The following ASIC2 variants were observed in gnomAD, a reference collection of about 807,000 sequenced individuals.
ASIC2 encodes the protein acid-sensing ion channel 2.
ASIC2 carries 25 observed loss-of-function variants against 57.3 expected under a neutral mutation model. The ratio of observed to expected loss-of-function variants is 0.44; its 90% CI spans 0.32 to 0.61. The LOEUF is 0.61. Ranked by LOEUF, ASIC2 falls within the 20% of genes least tolerant of loss-of-function variation. The probability of loss-of-function intolerance (pLI) is 0.06; values close to 1 mark genes in which losing one functional copy is unlikely to be tolerated. For missense variants in ASIC2, 641 were observed against 738.1 expected (o/e 0.87, Z 1.52); for synonymous variants, 319 against 307.5 (o/e 1.04, Z -0.39).
chr17:34,013,053 C>T (rs745866210), intron 1 of ASIC2, among the ~76,000 whole-genome samples: 1 of 152,164 alleles, frequency 6.6e-6, no homozygotes, highest in Non-Finnish European at 1.5e-5. Flanking sequence ...TGTGCCCTGG[C>T]TCAACCCCCC....
At chr17:33,057,675 T>C (rs2092003471) in intron 3 of ASIC2, among the ~76,000 whole-genome samples, 1 of 152,360 alleles carries the variant, frequency 6.6e-6, no homozygotes, top group Non-Finnish European at 1.5e-5. Flanking sequence ...CCAGTGATTC[T>C]GGGTTGAACC....
At chr17:33,256,302 C>T (rs974664440) in intron 1 of ASIC2, among the ~76,000 whole-genome samples, 8 of 151,838 alleles carry the variant, frequency 5.3e-5, no homozygotes, top group African/African-American at 1.7e-4. Context: ...GTTTGAGATA[C>T]ATTAAGTAAA....
chr17:33,108,505 G>A (rs781318809), intron 2 of ASIC2, among the ~76,000 whole-genome samples: 2 of 152,192 alleles, frequency 1.3e-5, no homozygotes, highest in African/African-American at 2.4e-5. Flanking sequence ...TGACCAAGCA[G>A]CCACGTGTGT....
intron 1 of ASIC2, among the ~76,000 whole-genome samples, chr17:33,751,540 T>A (rs1354517903): frequency 6.6e-6 from 1 of 151,830 alleles, no homozygotes; most frequent in African/African-American, 2.4e-5. Flanking sequence ...GTTTTTTTTT[T>A]ATTGCGACTA....
Position 33,516,441 on chromosome 17 carries a change from G to T in ASIC2, c.556-404374C>A, listed in dbSNP as rs75662926. Among the ~76,000 whole-genome samples the T allele has an allele frequency of 5.1e-4, 74 of 143,798 alleles. 1 individual carries two copies. The East Asian group carries it at 0.014, about 27-fold the overall frequency. The allele number at this position is 143,798 out of a possible 152,430, so 94.3% of individuals were successfully genotyped here. On this transcript the variant is annotated intron_variant, in intron 1 of 9. Coordinates refer to the ASIC2 transcript ENST00000359872. ...GTGTGTGTGTGTGTATGGAGGAGGG[G>T]TGGTGATGCTGTTGTTGCTCCTTCA...
intron 1 of ASIC2, among the ~76,000 whole-genome samples, chr17:34,101,057 G>C (rs906557528): frequency 2.0e-5 from 3 of 152,158 alleles, no homozygotes; most frequent in African/African-American, 7.2e-5. Context: ...TCTGACAAAA[G>C]TCCTTATAAA....
At chr17:33,683,375 T>C (rs1264876426) in intron 1 of ASIC2, among the ~76,000 whole-genome samples, 1 of 152,186 alleles carries the variant, frequency 6.6e-6, no homozygotes, top group East Asian at 1.9e-4. Context: ...CTAATTTTAG[T>C]TTTTAATTCT....
intron 1 of ASIC2, among the ~76,000 whole-genome samples, chr17:33,463,402 C>T (rs1912706982): frequency 6.6e-6 from 1 of 152,184 alleles, no homozygotes. Context: ...TGTCACATGA[C>T]CAAGATCACA....
At chr17:33,210,483 C>G (rs917544362) in intron 1 of ASIC2, among the ~76,000 whole-genome samples, 6 of 152,218 alleles carry the variant, frequency 3.9e-5, no homozygotes, top group African/African-American at 1.2e-4. Flanking sequence ...CCTCCACCCC[C>G]CAACCCAGGC....
chr17:33,447,196 T>A (rs147657526), intron 1 of ASIC2, among the ~76,000 whole-genome samples: 7 of 152,292 alleles, frequency 4.6e-5, no homozygotes, highest in African/African-American at 1.7e-4. Flanking sequence ...CATGTAGTTG[T>A]CTGCAATTGA....
intron 1 of ASIC2, among the ~76,000 whole-genome samples, chr17:33,164,627 C>T (rs1184815643): frequency 1.3e-5 from 2 of 152,070 alleles, no homozygotes; most frequent in African/African-American, 4.8e-5. Flanking sequence ...GTTATGCACG[C>T]ATGCAAACAC....
chr17:33,615,334 G>T (rs890616041), intron 1 of ASIC2, among the ~76,000 whole-genome samples: 3 of 152,098 alleles, frequency 2.0e-5, no homozygotes, highest in Non-Finnish European at 2.9e-5. Flanking sequence ...CCAAAAGTGG[G>T]TGTTATTATT....
chr17:33,567,876 C>T (rs1916293088), intron 1 of ASIC2, among the ~76,000 whole-genome samples: 1 of 151,896 alleles, frequency 6.6e-6, no homozygotes, highest in African/African-American at 2.4e-5. Context: ...TGGTCTCTCT[C>T]CCCCACTCTA....
intron 3 of ASIC2, among the ~76,000 whole-genome samples, chr17:33,030,406 CGTA>C (rs1030954296): frequency 3.8e-4 from 58 of 152,282 alleles, no homozygotes; most frequent in African/African-American, 1.4e-3. Context: ...TTTCTCTCAG[CGTA>C]ATGTTTTTGA....
chr17:33,611,792 C>G (rs905785876), intron 1 of ASIC2, among the ~76,000 whole-genome samples: 1 of 152,222 alleles, frequency 6.6e-6, no homozygotes, highest in Admixed American at 6.5e-5. Flanking sequence ...AAGGCCAACT[C>G]AATGGGGTGG....
chr17:33,755,555 A>C (rs527516213), intron 1 of ASIC2, among the ~76,000 whole-genome samples: 1 of 152,336 alleles, frequency 6.6e-6, no homozygotes, highest in Non-Finnish European at 1.5e-5. Flanking sequence ...ATACATTTGA[A>C]TGGACATCAT....
chr17:33,407,257 C>G (rs1910505026), intron 1 of ASIC2, among the ~76,000 whole-genome samples: 1 of 152,128 alleles, frequency 6.6e-6, no homozygotes, highest in Non-Finnish European at 1.5e-5. Context: ...GCCCAAGGTC[C>G]CTCAATAATA....
chr17:33,073,392 A>G (rs765688408), intron 3 of ASIC2, among the ~76,000 whole-genome samples: 1 of 152,230 alleles, frequency 6.6e-6, no homozygotes, highest in Non-Finnish European at 1.5e-5. Flanking sequence ...GCTCAGAAGC[A>G]GCATGGGGTG....
chr17:33,716,528 G>A (rs577460251), intron 1 of ASIC2, among the ~76,000 whole-genome samples: 6 of 152,278 alleles, frequency 3.9e-5, no homozygotes, highest in African/African-American at 1.2e-4. Flanking sequence ...ATTACTTATC[G>A]TTGGACTTGA....
Sources: gnomAD v4.1 joint callset for allele counts (sites outside exome capture counted in the v4.1 genomes callset) on GRCh38, gnomAD v4.1.1 for gene constraint, MANE v1.5 for transcripts, NCBI Gene and HGNC (gene_info 2026-07-23, HGNC 2026-07-21) for gene names.